The following PPM1B variants were observed in gnomAD, a reference collection of about 807,000 sequenced individuals.
PPM1B encodes protein phosphatase 1B.
PPM1B carries 22 observed loss-of-function variants against 43.0 expected under a neutral mutation model. The observed-to-expected ratio is 0.51, with a 90% CI of 0.37 to 0.73. The LOEUF is 0.73. Ranked by LOEUF, PPM1B falls within the 30% of genes least tolerant of loss-of-function variation. The probability of loss-of-function intolerance (pLI) is 0.00; values close to 1 mark genes in which losing one functional copy is unlikely to be tolerated. For missense variants in PPM1B, 632 were observed against 584.2 expected (o/e 1.08, Z -0.84); for synonymous variants, 217 against 197.9 (o/e 1.10, Z -0.81).
chr2:44,173,041 G>A lies in PPM1B; in HGVS notation c.-15+3767G>A, dbSNP rs535180950. Among the ~76,000 whole-genome samples the A allele has an allele frequency of 2.8e-3, 434 of 152,334 alleles. 1 individual carries two copies. The Middle Eastern group carries it at 0.031, about 11-fold the overall frequency. Reference sequence around the variant, plus strand: ...AGAAGACTAACAAGCGTGGCCAGGCGTGGTGGCTCACGCCCATAATCCCAG... The same window carrying A: ...AGAAGACTAACAAGCGTGGCCAGGCATGGTGGCTCACGCCCATAATCCCAG... On this transcript the variant is annotated intron_variant, in intron 1 of 5. Coordinates refer to ENST00000282412, the MANE Select transcript of PPM1B (RefSeq NM_002706.6).
intron 3 of PPM1B, among the ~76,000 whole-genome samples, chr2:44,212,507 A>G (rs1669518356): frequency 6.6e-6 from 1 of 152,244 alleles, no homozygotes; most frequent in Non-Finnish European, 1.5e-5. Flanking sequence ...TTAGCTAAGC[A>G]AATCCAATCG....
At chr2:44,187,353 A>G (rs766099966) in intron 1 of PPM1B, among the ~76,000 whole-genome samples, 74 of 152,192 alleles carry the variant, frequency 4.9e-4, no homozygotes, top group South Asian at 2.1e-4. Context: ...GCTGTTATGC[A>G]TAATATGGGT....
chr2:44,173,659 A>T (rs12464084), intron 1 of PPM1B, among the ~76,000 whole-genome samples: 2 of 151,940 alleles, frequency 1.3e-5, no homozygotes, highest in Non-Finnish European at 2.9e-5. Flanking sequence ...AATACTCTTC[A>T]TGGCCGGGCA....
intron 2 of PPM1B, among the ~76,000 whole-genome samples, chr2:44,206,180 A>C (rs1420097338): frequency 6.6e-6 from 1 of 152,220 alleles, no homozygotes. Context: ...GTAATAATCA[A>C]TTTTTATATG....
chr2:44,202,055 C>CTTTT lies in PPM1B; in HGVS notation c.846+13_846+16dup. 1 of 1,497,186 alleles carries CTTTT rather than the reference C, an allele frequency of 6.7e-7. No individual in the cohort carries two copies. Among genetic ancestry groups the CTTTT allele is most frequent in the Non-Finnish European group, 8.9e-7 (1 of 1,124,268 alleles). The allele number at this position is 1,497,186 out of a possible 1,614,324, so 92.7% of individuals were successfully genotyped here. On this transcript the variant is annotated intron_variant, in intron 2 of 5. Coordinates refer to ENST00000282412, the MANE Select transcript of PPM1B (RefSeq NM_002706.6). ...CACTTGTTTACACAAGGTATGTAAA[C>CTTTT]TTTTTTGTCATTAAAATAACATGTT...
At chr2:44,196,146 T>C (rs1456879417) in intron 1 of PPM1B, among the ~76,000 whole-genome samples, 1 of 152,240 alleles carries the variant, frequency 6.6e-6, no homozygotes, top group Non-Finnish European at 1.5e-5. Flanking sequence ...TGCATTTTCT[T>C]AGTTTTAACC....
At chr2:44,215,828 G>C (rs28469449) in intron 3 of PPM1B, among the ~76,000 whole-genome samples, 5,667 of 152,182 alleles carry the variant, frequency 0.037, 340 homozygotes, top group African/African-American at 0.13. Context: ...ATAAAATAGA[G>C]TAAGTAGAGA....
At position 44,201,196 on chromosome 2, in the gene PPM1B, A is replaced by G. The variant is rs149328970; in HGVS notation, c.-4A>G. 1,032 of 1,580,670 alleles carry G rather than the reference A, an allele frequency of 6.5e-4. 7 individuals are homozygous for G. In the African/African-American group the frequency reaches 0.013, roughly 20 times the overall value. On this transcript the variant is annotated 5_prime_UTR_variant, in exon 2 of 6. Coordinates refer to ENST00000282412, the MANE Select transcript of PPM1B (RefSeq NM_002706.6). This position sits in a 1 kb window ranked among gnomAD's most constrained non-coding sequence, Gnocchi z 5.4. ...CATTTTTTATTTCAGATTTATTGCT[A>G]AACATGGGTGCATTTTTGGATAAAC... is the stretch of plus-strand genomic sequence containing the variant.
chr2:44,223,815 A>G (rs7583023), intron 5 of PPM1B, among the ~76,000 whole-genome samples: 615 of 10,160 alleles, frequency 0.061, 2 homozygotes, highest in African/African-American at 0.17. Flanking sequence ...GACTCTGTCT[A>G]AAAAAAAAAA....
chr2:44,244,994 AATACT>A (rs1283932624), downstream of PPM1B, among the ~76,000 whole-genome samples: 1 of 151,944 alleles, frequency 6.6e-6, no homozygotes, highest in Non-Finnish European at 1.5e-5. Context: ...AACAGTGTAC[AATACT>A]AAACTAATGA....
intron 5 of PPM1B, among the ~76,000 whole-genome samples, chr2:44,222,328 T>A (rs1388862768): frequency 6.6e-6 from 1 of 152,190 alleles, no homozygotes; most frequent in Non-Finnish European, 1.5e-5. Context: ...CTTAAGGCTG[T>A]CCTTAAGTCA....
At chr2:44,200,981 G>C (rs1352092898) in intron 1 of PPM1B, among the ~76,000 whole-genome samples, 2 of 152,138 alleles carry the variant, frequency 1.3e-5, no homozygotes, top group Non-Finnish European at 2.9e-5. Context: ...TAATTGGTCT[G>C]ATTATTCTTA....
chr2:44,171,487 C>G (rs1405903935), intron 1 of PPM1B, among the ~76,000 whole-genome samples: 2 of 152,112 alleles, frequency 1.3e-5, no homozygotes, highest in East Asian at 3.9e-4. Flanking sequence ...GTCTTGGAAG[C>G]TTAGAATTGG....
chr2:44,221,615 T>C (rs975445434), intron 5 of PPM1B, among the ~76,000 whole-genome samples: 4 of 152,178 alleles, frequency 2.6e-5, no homozygotes, highest in Non-Finnish European at 5.9e-5. Context: ...TATTTTTGTT[T>C]AGATATTTAA....
chr2:44,171,426 T>A (rs1400194954), intron 1 of PPM1B, among the ~76,000 whole-genome samples: 1 of 152,212 alleles, frequency 6.6e-6, no homozygotes, highest in African/African-American at 2.4e-5. Flanking sequence ...ATAACAAACA[T>A]TTTTTATGGA....
intron 3 of PPM1B, chr2:44,209,575 G>T: frequency 1.7e-5 from 6 of 355,802 alleles, no homozygotes; most frequent in South Asian, 1.1e-4. Flanking sequence ...AGGTCAGATC[G>T]ACACCATCCT....
At chr2:44,182,220 A>G (rs1047748806) in intron 1 of PPM1B, among the ~76,000 whole-genome samples, 6 of 152,118 alleles carry the variant, frequency 3.9e-5, no homozygotes, top group Admixed American at 2.0e-4. Flanking sequence ...TACTCCAGAC[A>G]TATGGGAAAT....
chr2:44,190,037 C>A (rs1442480949), intron 1 of PPM1B, among the ~76,000 whole-genome samples: 5 of 151,574 alleles, frequency 3.3e-5, no homozygotes, highest in Non-Finnish European at 5.9e-5. Flanking sequence ...GTTTTCATTA[C>A]AAAAATATTT....
At chr2:44,186,601 C>G (rs951296010) in intron 1 of PPM1B, among the ~76,000 whole-genome samples, 1 of 152,296 alleles carries the variant, frequency 6.6e-6, no homozygotes, top group East Asian at 1.9e-4. Flanking sequence ...TCTCAAACTG[C>G]TGGACTCAGG....
Sources: allele counts gnomAD v4.1 joint callset (sites outside exome capture counted in the v4.1 genomes callset), GRCh38; gene constraint gnomAD v4.1.1; non-coding constraint Gnocchi (gnomAD v3.1); transcripts MANE v1.5; gene names NCBI Gene and HGNC (gene_info 2026-07-23, HGNC 2026-07-21).